Variants in COL8A2 observed in about 807,000 individuals in gnomAD.
The protein encoded by COL8A2 is collagen alpha-2(VIII) chain.
COL8A2 carries 16 observed loss-of-function variants against 24.0 expected under a neutral mutation model. The observed-to-expected ratio is 0.67, with a 90% CI of 0.45 to 1.01. The LOEUF is 1.01. COL8A2 is among the 50% of genes least tolerant of loss of function. COL8A2 has a pLI of 0.00. For synonymous variants in COL8A2, 466 were observed against 424.5 expected (o/e 1.10, Z -1.20); for missense variants, 818 against 942.4 (o/e 0.87, Z 1.73).
At chr1:36,110,639 A>G (rs1469509627) in intron 2 of COL8A2, among the ~76,000 whole-genome samples, 1 of 152,026 alleles carries the variant, frequency 6.6e-6, no homozygotes, top group Admixed American at 6.6e-5. Context: ...ACAGGGGTAC[A>G]CACCATCACA....
rs934827980 is a variant in COL8A2, at chr1:36,125,196, C to T, written c.-201G>A. ...GCCGGCGGGGTTCCGCGTCGCTCTGCCGGCCGCCCCTCGCGGCTGCCGGAG... is the reference window on the plus strand; with the variant it reads ...GCCGGCGGGGTTCCGCGTCGCTCTGTCGGCCGCCCCTCGCGGCTGCCGGAG... On this transcript the variant is annotated 5_prime_UTR_variant, in exon 1 of 4. Coordinates refer to ENST00000397799, the MANE Select transcript of COL8A2 (RefSeq NM_005202.4). This position sits in a 1 kb window ranked among gnomAD's most constrained non-coding sequence, Gnocchi z 4.5. The T allele has an allele frequency of 8.3e-6, 3 of 359,468 alleles. No homozygotes were observed. The highest frequency in any genetic ancestry group is 4.4e-5 in the African/African-American group (2 of 45,154). 22.3% of individuals were successfully genotyped at this position (359,468 alleles called of 1,614,324 possible). A position where few individuals can be genotyped will look rare whatever the true frequency, so the allele number is the denominator to read the frequency against.
chr1:36,100,371 G>C, intron 2 of COL8A2, 113 bp from the exon 3 acceptor site: 1 of 995,222 alleles, frequency 1.0e-6, no homozygotes, highest in East Asian at 2.6e-5. Context: ...TCAGTCAAAA[G>C]GCTGAGAAGC....
At chr1:36,112,533 T>C (rs1309718470) in intron 2 of COL8A2, among the ~76,000 whole-genome samples, 1 of 152,138 alleles carries the variant, frequency 6.6e-6, no homozygotes, top group Non-Finnish European at 1.5e-5. Context: ...CTCACTTCTG[T>C]TCCTTCCCCT....
At chr1:36,122,414 C>T (rs1190924307) in intron 1 of COL8A2, among the ~76,000 whole-genome samples, 1 of 152,184 alleles carries the variant, frequency 6.6e-6, no homozygotes, top group East Asian at 1.9e-4. Context: ...TTCTGGGAGT[C>T]AGACTTCCAT....
rs1321125980 is a variant in COL8A2, at chr1:36,102,670, TG to T, written c.-16-2413del. Among the ~76,000 whole-genome samples the T allele has an allele frequency of 4.5e-3, 574 of 126,640 alleles. 65 individuals are homozygous for T. Among genetic ancestry groups the T allele is most frequent in the African/African-American group, 0.014 (445 of 32,510 alleles). 83.1% of individuals were successfully genotyped at this position (126,640 alleles called of 152,430 possible). A position where few individuals can be genotyped will look rare whatever the true frequency, so the allele number is the denominator to read the frequency against. On this transcript the variant is annotated intron_variant, in intron 2 of 3. Coordinates refer to ENST00000397799, the MANE Select transcript of COL8A2 (RefSeq NM_005202.4). ...AATTATATCTATAAAGCTGGTTTTT[TG>T]TTTTTTTTTTTTTTTTTTGAGATGG...
intron 2 of COL8A2, among the ~76,000 whole-genome samples, chr1:36,102,540 T>C (rs889692762): frequency 3.3e-5 from 5 of 151,644 alleles, no homozygotes; most frequent in African/African-American, 9.7e-5. Context: ...TTAGGGAAGA[T>C]GAAAATGTTC....
Position 36,096,844 on chromosome 1 carries a change from C to G in COL8A2, c.*725G>C, listed in dbSNP as rs1412930394. On this transcript the variant is annotated 3_prime_UTR_variant, in exon 4 of 4. Coordinates refer to ENST00000397799, the MANE Select transcript of COL8A2 (RefSeq NM_005202.4). ...ACAGCCAGAGCTGGCGGGGGCAGCC[C>G]GGGAGAGACAGGGATGAACGTGAAG... The G allele has an allele frequency of 2.6e-5, 4 of 152,596 alleles. No homozygotes were observed. The East Asian group carries it at 7.7e-4, about 30-fold the overall frequency. The allele number at this position is 152,596 out of a possible 1,614,324, so 9.5% of individuals were successfully genotyped here. A position where few individuals can be genotyped will look rare whatever the true frequency, so the allele number is the denominator to read the frequency against.
At chr1:36,109,137 C>T (rs968720398) in intron 2 of COL8A2, among the ~76,000 whole-genome samples, 2 of 152,210 alleles carry the variant, frequency 1.3e-5, no homozygotes, top group African/African-American at 2.4e-5. Context: ...GCTGAGGGAG[C>T]GGTGGGGGCA....
At chr1:36,119,552 G>A (rs1441784717) in intron 1 of COL8A2, among the ~76,000 whole-genome samples, 1 of 152,194 alleles carries the variant, frequency 6.6e-6, no homozygotes, top group Non-Finnish European at 1.5e-5. Context: ...CTGCAGGAGG[G>A]GGCTCTGCAT....
At chr1:36,111,455 T>C (rs1453739728) in intron 2 of COL8A2, among the ~76,000 whole-genome samples, 1 of 152,104 alleles carries the variant, frequency 6.6e-6, no homozygotes, top group Non-Finnish European at 1.5e-5. Context: ...CTCTGGATGT[T>C]TCTCCTATAG....
At chr1:36,100,903 T>TTTTTTTTTTG (rs1643669761) in intron 2 of COL8A2, among the ~76,000 whole-genome samples, 1 of 141,132 alleles carries the variant, frequency 7.1e-6, no homozygotes, top group African/African-American at 2.6e-5. Flanking sequence ...TTTTTTTTTT[T>TTTTTTTTTTG]TTTTTTTTTT....
At chr1:36,117,270 G>A (rs115854984) in intron 1 of COL8A2, among the ~76,000 whole-genome samples, 5,924 of 152,352 alleles carry the variant, frequency 0.039, 156 homozygotes, top group South Asian at 0.063. Context: ...CCACAGCCTG[G>A]ATGATGGAGC....
rs968331447 is a variant in COL8A2 at position 36,117,189 on chromosome 1, C to A, written c.-61-1437G>T. Among the ~76,000 whole-genome samples the A allele has an allele frequency of 5.3e-5, 8 of 152,252 alleles. No individual in the cohort carries two copies. The East Asian group carries it at 1.5e-3, about 29-fold the overall frequency. The stretch of plus-strand genomic sequence containing the variant: ...GGAGCCAGCAGCAACTAGGCCTTCT[C>A]TCCAACTCAGCTGAGCCCTGCCTCC... On this transcript the variant is annotated intron_variant, in intron 1 of 3. Transcript: ENST00000397799.
chr1:36,121,322 G>C (rs531006856), intron 1 of COL8A2, among the ~76,000 whole-genome samples: 1 of 148,924 alleles, frequency 6.7e-6, no homozygotes, highest in East Asian at 2.0e-4. Flanking sequence ...CTGGGAGGCG[G>C]AGGTTGCAGT....
In COL8A2 at chr1:36,098,085, G is replaced by T; in HGVS notation, c.1596C>A (p.Ala532=). 6.5e-7 allele frequency: 1 copy of T among 1,546,816 alleles called. No homozygotes were observed. Among genetic ancestry groups the T allele is most frequent in the Non-Finnish European group, 8.7e-7 (1 of 1,153,590 alleles). Residue 532 remains alanine, a synonymous_variant, in exon 4 of 4, where the codon GCC becomes GCA. Transcript: ENST00000397799. The part of the protein sequence containing the change: ...GPPGPPGPPG[A]PGAFDETGIA... ...TGCCAGTCTCATCGAAGGCCCCAGG[G>T]GCACCAGGGGGTCCCGGGGGCCCGG...
rs1643629767 is a variant in COL8A2, at chr1:36,099,095, G to C, written c.586C>G (p.Pro196Ala). ...AGGCCTCGATCACCTGGGGGCCCAG[G>C]CTCCCCCTGGGGCCCTGGTTCCCCC... is the stretch of plus-strand genomic sequence containing the variant. Reference protein sequence around the residue: ...FQGEPGPQGEPGPPGDRGLKG... With the variant: ...FQGEPGPQGEAGPPGDRGLKG... Residue 196 changes from proline (P) to alanine (A), a missense_variant, in exon 4 of 4, where the codon CCT becomes GCT. This residue lies in a region of COL8A2 where 573 missense variants were observed against 616.8 expected (regional missense o/e 0.93). Coordinates refer to ENST00000397799, the MANE Select transcript of COL8A2 (RefSeq NM_005202.4). 6.6e-7 allele frequency: 1 copy of C among 1,504,248 alleles called. No homozygotes were observed. The highest frequency in any genetic ancestry group is 1.4e-5 in the African/African-American group (1 of 70,094). 93.2% of individuals were successfully genotyped at this position (1,504,248 alleles called of 1,614,324 possible).
rs1643564051 is a variant in COL8A2 at position 36,096,340 on chromosome 1, G to GA, written c.*1228dup. 1 of 152,232 alleles carries GA rather than the reference G, an allele frequency of 6.6e-6. No homozygotes were observed. Among genetic ancestry groups the GA allele is most frequent in the Non-Finnish European group, 1.5e-5 (1 of 68,070 alleles). The allele number at this position is 152,232 out of a possible 1,614,324, so 9.4% of individuals were successfully genotyped here. A position where few individuals can be genotyped will look rare whatever the true frequency, so the allele number is the denominator to read the frequency against. Reference sequence around the variant, plus strand: ...TCGGGGAACAGGGCAGAAACGTCCAGAGCCAACTCATTCCCAAGGGACCTG... The same window carrying GA: ...TCGGGGAACAGGGCAGAAACGTCCAGAAGCCAACTCATTCCCAAGGGACCTG... On this transcript the variant is annotated 3_prime_UTR_variant, in exon 4 of 4. Coordinates refer to ENST00000397799, the MANE Select transcript of COL8A2 (RefSeq NM_005202.4).
rs190071119 is a variant in COL8A2, at chr1:36,097,953, G to A, written c.1728C>T (p.Ala576=). 6.8e-6 allele frequency: 11 copies of A among 1,609,294 alleles called. No homozygotes were observed. The highest frequency in any genetic ancestry group is 9.3e-6 in the Non-Finnish European group (11 of 1,179,300). ...AGGGCGAGGTGAGCACCGCAGTGAA[G>A]GCCGGTGTGGCATGGGCAGACAGCT... The part of the protein sequence containing the change: ...LGELSAHATP[A]FTAVLTSPFP... The change falls in exon 4 of 4, where the codon GCC becomes GCT. Residue 576 remains alanine (A), a synonymous_variant. Transcript: ENST00000397799.
chr1:36,099,625 T>C, intron 3 of COL8A2, 138 bp from the exon 4 acceptor site: 1 of 719,818 alleles, frequency 1.4e-6, no homozygotes. Flanking sequence ...TCATGGAAGA[T>C]GGGGTTTGGG....
Sources: allele counts gnomAD v4.1 joint callset (sites outside exome capture counted in the v4.1 genomes callset), GRCh38; gene constraint gnomAD v4.1.1; regional missense constraint gnomAD v4.1.1; non-coding constraint Gnocchi (gnomAD v3.1); transcripts MANE v1.5; gene names NCBI Gene and HGNC (gene_info 2026-07-23, HGNC 2026-07-21).